SPAG9: variants seen among roughly 807,000 people sequenced by gnomAD.
The protein encoded by SPAG9 is sperm associated antigen 9, also known as C-Jun-amino-terminal kinase-interacting protein 4.
In SPAG9, 35 loss-of-function variants were observed where a neutral mutation model predicts 166.5. The ratio of observed to expected loss-of-function variants is 0.21; its 90% CI spans 0.16 to 0.28. The LOEUF (loss-of-function observed/expected upper bound fraction) is 0.28. Ranked by LOEUF, SPAG9 falls within the 10% of genes least tolerant of loss-of-function variation. SPAG9 has a pLI of 1.00. For missense variants in SPAG9, 1,235 were observed against 1,603.3 expected, an observed-to-expected ratio of 0.77 and a Z score of 3.92; for synonymous variants, 534 against 565.5, an observed-to-expected ratio of 0.94 and a Z score of 0.79.
In SPAG9 at chr17:51,118,031, C is replaced by T. The variant is rs569920305; in HGVS notation, c.303+2323G>A. ...GGGTGGCACGTGCCTATAGTCCCAG[C>T]TACTCGGGCGGCTGAGGCAGAAGAA... On this transcript the variant is annotated intron_variant, in intron 1 of 29. Transcript: ENST00000262013. Among the ~76,000 whole-genome samples the T allele has an allele frequency of 5.3e-5, 8 of 151,524 alleles. 1 individual carries two copies. The South Asian group carries it at 1.7e-3, about 32-fold the overall frequency.
At chr17:51,069,175 A>T (rs1398734857) in intron 2 of SPAG9, among the ~76,000 whole-genome samples, 1 of 152,074 alleles carries the variant, frequency 6.6e-6, no homozygotes, top group African/African-American at 2.4e-5. Flanking sequence ...AAGCTGCCTC[A>T]TTAAAAAAAC....
chr17:51,031,995 T>G, intron 5 of SPAG9: 1 of 549,362 alleles, frequency 1.8e-6, no homozygotes, highest in South Asian at 1.6e-5. Flanking sequence ...TTTTTCTACT[T>G]ACACCACTTT....
chr17:50,990,236 G>C (rs1975423275), intron 20 of SPAG9: 2 of 551,372 alleles, frequency 3.6e-6, no homozygotes, highest in Non-Finnish European at 6.5e-6. Context: ...CACTGTGTTA[G>C]CCAGGATGGT....
At chr17:50,971,292 C>G (rs886129732) in intron 28 of SPAG9, among the ~76,000 whole-genome samples, 28 of 145,348 alleles carry the variant, frequency 1.9e-4, no homozygotes, top group African/African-American at 7.1e-4. Context: ...GGCAACAGAG[C>G]AAGACCTTGC....
chr17:51,083,547 A>T (rs760442582), intron 1 of SPAG9, among the ~76,000 whole-genome samples: 73 of 94,976 alleles, frequency 7.7e-4, no homozygotes, highest in Non-Finnish European at 1.7e-3. Flanking sequence ...TCTTTATTTT[A>T]TTTATTTATT....
intron 21 of SPAG9, 83 bp from the exon 22 acceptor site, chr17:50,987,320 TAA>T (rs1975125631): frequency 4.0e-6 from 5 of 1,240,120 alleles, no homozygotes; most frequent in Non-Finnish European, 4.5e-6. Context: ...CTTCTATATT[TAA>T]GTTTGTTCAT....
Position 51,037,692 on chromosome 17 carries a change from G to A in SPAG9, c.741+3809C>T, listed in dbSNP as rs1472431249. Among the ~76,000 whole-genome samples, 191 of 78,514 alleles carry A rather than the reference G, an allele frequency of 2.4e-3. 2 individuals are homozygous for A. The highest frequency in any genetic ancestry group is 0.016 in the Admixed American group (102 of 6,506). 51.5% of individuals were successfully genotyped at this position (78,514 alleles called of 152,430 possible). On this transcript the variant is annotated intron_variant, in intron 5 of 29. Coordinates refer to ENST00000262013, the MANE Select transcript of SPAG9 (RefSeq NM_001130528.3). ...ATATATATATATATATATAGTGTGTGTGTGTGTGTGTGTGTGTGTGTGTGT... is the reference window on the plus strand; with the variant it reads ...ATATATATATATATATATAGTGTGTATGTGTGTGTGTGTGTGTGTGTGTGT...
intron 1 of SPAG9, among the ~76,000 whole-genome samples, chr17:51,100,276 G>C (rs1240615673): frequency 1.3e-5 from 2 of 152,118 alleles, no homozygotes; most frequent in South Asian, 2.1e-4. Context: ...ATTATGGACT[G>C]AATTCCTATC....
Position 50,993,952 on chromosome 17 carries a change from G to A in SPAG9, c.2227-17C>T, listed in dbSNP as rs965004136. The A allele has an allele frequency of 1.2e-6, 2 of 1,608,348 alleles. No individual in the cohort carries two copies. Among genetic ancestry groups the A allele is most frequent in the Non-Finnish European group, 1.7e-6 (2 of 1,176,112 alleles). On this transcript the variant is annotated splice_polypyrimidine_tract_variant and intron_variant, in intron 18 of 29. Transcript: ENST00000262013. The stretch of plus-strand genomic sequence containing the variant: ...CTGCTGTTCCTGTATAGGCAAAGGA[G>A]GAAAAATGTTTAAAACAATATGTAT...
intron 1 of SPAG9, among the ~76,000 whole-genome samples, chr17:51,089,045 T>C (rs1039409443): frequency 3.3e-5 from 5 of 149,354 alleles, no homozygotes; most frequent in Middle Eastern, 3.6e-3. Flanking sequence ...GTGAGCGAGA[T>C]TGCGCCACTG....
At chr17:51,073,804 T>G (rs2047890285) in intron 2 of SPAG9, among the ~76,000 whole-genome samples, 1 of 152,066 alleles carries the variant, frequency 6.6e-6, no homozygotes, top group South Asian at 2.1e-4. Context: ...TCCAAAGCAT[T>G]AATAAAAGAT....
chr17:51,025,287 C>T (rs1395812325), intron 6 of SPAG9, among the ~76,000 whole-genome samples: 1 of 129,030 alleles, frequency 7.8e-6, no homozygotes, highest in African/African-American at 3.0e-5. Context: ...CACCACACTC[C>T]AGTCTGGTGA....
chr17:51,082,133 T>C (rs1489581483), intron 1 of SPAG9, among the ~76,000 whole-genome samples: 1 of 152,098 alleles, frequency 6.6e-6, no homozygotes, highest in Non-Finnish European at 1.5e-5. Flanking sequence ...TCCTAGCACT[T>C]TGGGAGGCCA....
chr17:51,075,593 G>A (rs1006850310), intron 2 of SPAG9, among the ~76,000 whole-genome samples: 1 of 152,178 alleles, frequency 6.6e-6, no homozygotes, highest in African/African-American at 2.4e-5. Flanking sequence ...GGGGGCCAAG[G>A]TGCAAGGATC....
intron 25 of SPAG9, 30 bp from the exon 26 acceptor site, chr17:50,979,947 C>G (rs1383253922): frequency 6.3e-7 from 1 of 1,598,354 alleles, no homozygotes; most frequent in South Asian, 1.1e-5. Context: ...CACAAAGTTA[C>G]TTTTGCTACA....
At chr17:51,095,556 C>T (rs1281780104) in intron 1 of SPAG9, among the ~76,000 whole-genome samples, 3 of 150,530 alleles carry the variant, frequency 2.0e-5, no homozygotes, top group Non-Finnish European at 3.0e-5. Context: ...GAGGCTGAGG[C>T]AGAAGAATCA....
chr17:51,103,982 T>C (rs563165688), intron 1 of SPAG9, among the ~76,000 whole-genome samples: 17 of 152,266 alleles, frequency 1.1e-4, no homozygotes, highest in African/African-American at 4.1e-4. Flanking sequence ...ACCACAGTAG[T>C]ATAAATGGAT....
chr17:51,061,598 G>A (rs936764848), intron 2 of SPAG9, among the ~76,000 whole-genome samples: 19 of 98,824 alleles, frequency 1.9e-4, no homozygotes, highest in African/African-American at 5.3e-4. Context: ...CAACAAGAGC[G>A]AAAGCTCTGT....
intron 1 of SPAG9, among the ~76,000 whole-genome samples, chr17:51,095,830 ATAGAGAT>A (rs1268853188): frequency 1.2e-5 from 1 of 86,006 alleles, no homozygotes; most frequent in Non-Finnish European, 3.1e-5. Context: ...AGGGAGAGAT[ATAGAGAT>A]ATATAGTGAT....
Sources: gnomAD v4.1 joint callset for allele counts (sites outside exome capture counted in the v4.1 genomes callset) on GRCh38, gnomAD v4.1.1 for gene constraint, MANE v1.5 for transcripts, NCBI Gene and HGNC (gene_info 2026-07-23, HGNC 2026-07-21) for gene names.